Variants in RAB37 observed in about 807,000 individuals in gnomAD.
RAB37 encodes ras-related protein Rab-37.
Under a neutral mutation model 33.1 loss-of-function variants are expected in RAB37, and 29 were observed. The ratio of observed to expected loss-of-function variants is 0.88; its 90% CI spans 0.65 to 1.20. The LOEUF is 1.20. RAB37 is among the 50% of genes most tolerant of loss of function. The probability of loss-of-function intolerance (pLI) is 0.00; values close to 1 mark genes in which losing one functional copy is unlikely to be tolerated. For missense variants in RAB37, 299 were observed against 301.1 expected, an observed-to-expected ratio of 0.99 and a Z score of 0.05; for synonymous variants, 128 against 119.5, an observed-to-expected ratio of 1.07 and a Z score of -0.47.
chr17:74,672,371 C>A (rs2031725742), intron 1 of RAB37, among the ~76,000 whole-genome samples: 1 of 152,150 alleles, frequency 6.6e-6, no homozygotes, highest in South Asian at 2.1e-4. Flanking sequence ...TTATGGCTCA[C>A]CTTCCTTTTC....
chr17:74,728,081 T>G (rs1235042166), intron 1 of RAB37, among the ~76,000 whole-genome samples: 4 of 152,194 alleles, frequency 2.6e-5, no homozygotes, highest in Non-Finnish European at 4.4e-5. Context: ...TCTGTGTGTT[T>G]CTGAGTTTCT....
At chr17:74,689,374 C>T (rs1273745554) in intron 1 of RAB37, among the ~76,000 whole-genome samples, 3 of 151,736 alleles carry the variant, frequency 2.0e-5, no homozygotes, top group Non-Finnish European at 4.4e-5. Context: ...AGTCGGGAGG[C>T]AGAGGTTGTG....
upstream of RAB37, chr17:74,736,595 G>T: frequency 6.5e-7 from 1 of 1,528,938 alleles, no homozygotes; most frequent in Non-Finnish European, 8.7e-7. Flanking sequence ...CAGCCCTCTT[G>T]CGAAAGCTCT....
rs2034768211 is a variant in RAB37 at position 74,746,684 on chromosome 17, C to T, written c.*1273C>T. 1.3e-5 allele frequency: 2 copies of T among 152,202 alleles called. No homozygotes were observed. Among genetic ancestry groups the T allele is most frequent in the Admixed American group, 6.5e-5 (1 of 15,286 alleles). The allele number at this position is 152,202 out of a possible 1,614,324, so 9.4% of individuals were successfully genotyped here. A position where few individuals can be genotyped will look rare whatever the true frequency, so the allele number is the denominator to read the frequency against. Reference sequence around the variant, plus strand: ...TGAAAAAAAAGAGAAATCCCTGGCTCCTGGAGCTGGTGGGAGACAAGATTA... The same window carrying T: ...TGAAAAAAAAGAGAAATCCCTGGCTTCTGGAGCTGGTGGGAGACAAGATTA... On this transcript the variant is annotated 3_prime_UTR_variant, in exon 9 of 9. Transcript: ENST00000392613. The surrounding 1 kb of genome is among the most constrained non-coding windows in gnomAD (Gnocchi z 5.2).
chr17:74,730,485 G>A lies in RAB37; in HGVS notation c.183+1119G>A, dbSNP rs1318307635. Among the ~76,000 whole-genome samples, 2 of 152,166 alleles carry A rather than the reference G, an allele frequency of 1.3e-5. No homozygotes were observed. Among genetic ancestry groups the A allele is most frequent in the Non-Finnish European group, 2.9e-5 (2 of 68,032 alleles). On this transcript the variant is annotated intron_variant, in intron 2 of 7. Coordinates refer to the RAB37 transcript ENST00000340415. This position sits in a 1 kb window ranked among gnomAD's most constrained non-coding sequence, Gnocchi z 4.4. ...GAGTGCCTGGTTCGGGTGTGTTCTG[G>A]GGCCTAGAATCGGCCCTGAAACACC...
chr17:74,735,018 G>A (rs7215325), upstream of RAB37, among the ~76,000 whole-genome samples: 505 of 80,570 alleles, frequency 6.3e-3, 4 homozygotes, highest in African/African-American at 0.018. Context: ...AGGAAGGAAG[G>A]AAGAAAGAAA....
Position 74,723,892 on chromosome 17 carries a change from C to T in RAB37, c.73-5364C>T, listed in dbSNP as rs567782497. Among the ~76,000 whole-genome samples, 4 of 152,002 alleles carry T rather than the reference C, an allele frequency of 2.6e-5. No homozygotes were observed. In the East Asian group the frequency reaches 5.8e-4, roughly 22 times the overall value. ...CCCGGCCGTAACATTTTCATAAATG[C>T]GAAGAGAAACACAAAGAGGGAAGGC... On this transcript the variant is annotated intron_variant, in intron 1 of 7. Coordinates refer to the RAB37 transcript ENST00000340415.
At chr17:74,690,983 A>T (rs2032147665) in intron 1 of RAB37, among the ~76,000 whole-genome samples, 1 of 152,180 alleles carries the variant, frequency 6.6e-6, no homozygotes, top group Non-Finnish European at 1.5e-5. Flanking sequence ...CAGTGGCATG[A>T]TCACAGCTCA....
chr17:74,711,906 C>CTTTTTT (rs71361629), intron 1 of RAB37, among the ~76,000 whole-genome samples: 12 of 123,664 alleles, frequency 9.7e-5, no homozygotes, highest in African/African-American at 1.5e-4. Context: ...TTTCTTTTTT[C>CTTTTTT]TTTTTTTTTT....
upstream of RAB37, among the ~76,000 whole-genome samples, chr17:74,736,325 T>C (rs2034473940): frequency 6.6e-6 from 1 of 152,090 alleles, no homozygotes; most frequent in Non-Finnish European, 1.5e-5. Flanking sequence ...AAGCTGCTTA[T>C]AGAATGTGGA....
chr17:74,742,762 A>T lies in RAB37; in HGVS notation c.247-367A>T, dbSNP rs1297061981. ...TGCCTCAGCCTCCTGAGTAGCTGAG[A>T]CTACAGGTGCATGCCACCACACCTG... On this transcript the variant is annotated intron_variant, in intron 3 of 8. Coordinates refer to ENST00000392613, the MANE Select transcript of RAB37 (RefSeq NM_001006638.3). The surrounding 1 kb of genome is among the most constrained non-coding windows in gnomAD (Gnocchi z 4.0). Among the ~76,000 whole-genome samples the T allele has an allele frequency of 6.6e-6, 1 of 151,938 alleles. No individual in the cohort carries two copies. Among genetic ancestry groups the T allele is most frequent in the African/African-American group, 2.4e-5 (1 of 41,350 alleles).
At chr17:74,722,807 C>T (rs1156358407) in intron 1 of RAB37, among the ~76,000 whole-genome samples, 4 of 152,140 alleles carry the variant, frequency 2.6e-5, no homozygotes, top group Non-Finnish European at 5.9e-5. Flanking sequence ...TTCTGTCAAC[C>T]AAAACATTTT....
chr17:74,693,094 G>A (rs564761766), intron 1 of RAB37, among the ~76,000 whole-genome samples: 8 of 152,320 alleles, frequency 5.3e-5, no homozygotes, highest in African/African-American at 1.9e-4. Context: ...GAGAGAAATT[G>A]GAGGTGGGCT....
intron 1 of RAB37, among the ~76,000 whole-genome samples, chr17:74,685,802 C>T (rs12451231): frequency 0.12 from 18,614 of 152,128 alleles, 2,590 homozygotes; most frequent in African/African-American, 0.33. Flanking sequence ...AGGATAAACA[C>T]CAAAGCAAAA....
At chr17:74,712,750 C>T (rs750346658) in intron 1 of RAB37, 14 of 1,515,748 alleles carry the variant, frequency 9.2e-6, no homozygotes, top group Non-Finnish European at 1.3e-5. Flanking sequence ...CTGGCCGGGT[C>T]CCTTCTTCCC....
chr17:74,729,134 T>A lies in RAB37; in HGVS notation c.73-122T>A. ...TGTCTTGTGTGTGTGTGTTTCTGTG[T>A]GTGTGTGTGCATGTTGTGCACATGC... On this transcript the variant is annotated intron_variant, in intron 1 of 7. Transcript: ENST00000340415. This position sits in a 1 kb window ranked among gnomAD's most constrained non-coding sequence, Gnocchi z 4.2. The A allele has an allele frequency of 1.4e-6, 1 of 713,930 alleles. No homozygotes were observed. The highest frequency in any genetic ancestry group is 2.6e-5 in the East Asian group (1 of 39,164). The allele number at this position is 713,930 out of a possible 1,614,324, so 44.2% of individuals were successfully genotyped here.
At chr17:74,673,584 A>C (rs1487875098) in intron 1 of RAB37, among the ~76,000 whole-genome samples, 1 of 151,708 alleles carries the variant, frequency 6.6e-6, no homozygotes, top group African/African-American at 2.4e-5. Flanking sequence ...CAAAATATTG[A>C]TCAGATGTGG....
chr17:74,685,845 T>C (rs1255498214), intron 1 of RAB37, among the ~76,000 whole-genome samples: 2 of 152,130 alleles, frequency 1.3e-5, no homozygotes, highest in Non-Finnish European at 2.9e-5. Flanking sequence ...ATTCACAAAG[T>C]GGATTCAAGA....
At chr17:74,683,804 G>A (rs939007927) in intron 1 of RAB37, among the ~76,000 whole-genome samples, 1 of 152,108 alleles carries the variant, frequency 6.6e-6, no homozygotes, top group Non-Finnish European at 1.5e-5. Flanking sequence ...TATGCTTTGG[G>A]CCAGATGGCA....
Sources: allele counts gnomAD v4.1 joint callset (sites outside exome capture counted in the v4.1 genomes callset), GRCh38; gene constraint gnomAD v4.1.1; non-coding constraint Gnocchi (gnomAD v3.1); transcripts MANE v1.5; gene names NCBI Gene and HGNC (gene_info 2026-07-23, HGNC 2026-07-21).